The following WRN variants were observed in gnomAD, a reference collection of about 807,000 sequenced individuals.
WRN encodes WRN RecQ like helicase.
A neutral mutation model predicts 180.7 loss-of-function variants in WRN; 149 were observed. The observed-to-expected ratio is 0.82, with a 90% CI of 0.72 to 0.94. WRN has a LOEUF of 0.94. WRN is among the 40% of genes least tolerant of loss of function. WRN has a pLI of 0.00. For synonymous variants in WRN, 548 were observed against 568.9 expected, an observed-to-expected ratio of 0.96 and a Z score of 0.52; for missense variants, 1,661 against 1,700.1, an observed-to-expected ratio of 0.98 and a Z score of 0.40.
chr8:31,163,061 A>G (rs970298453), intron 33 of WRN, among the ~76,000 whole-genome samples: 3 of 152,264 alleles, frequency 2.0e-5, no homozygotes, highest in Non-Finnish European at 2.9e-5. Flanking sequence ...GAGGCATACA[A>G]TTTAAGAATT....
At chr8:31,112,880 G>A (rs1245514879) in intron 19 of WRN, among the ~76,000 whole-genome samples, 3 of 152,106 alleles carry the variant, frequency 2.0e-5, no homozygotes, top group South Asian at 2.1e-4. Context: ...TGGCCACTGC[G>A]CCTGGCCAGT....
intron 24 of WRN, among the ~76,000 whole-genome samples, chr8:31,139,293 A>C (rs567925485): frequency 1.8e-4 from 28 of 152,332 alleles, no homozygotes; most frequent in African/African-American, 6.0e-4. Flanking sequence ...AACCTTCATT[A>C]GGATATATAT....
chr8:31,049,210 C>CAAAAAAAAAA (rs72226104), intron 1 of WRN, among the ~76,000 whole-genome samples: 2 of 31,802 alleles, frequency 6.3e-5, no homozygotes, highest in Non-Finnish European at 1.0e-4. Flanking sequence ...GACTCTGTCT[C>CAAAAAAAAAA]AAAAAAAAAA....
intron 7 of WRN, among the ~76,000 whole-genome samples, chr8:31,070,941 G>A (rs13250713): frequency 0.081 from 12,325 of 151,950 alleles, 788 homozygotes; most frequent in East Asian, 0.28. Context: ...AGCTTCTTGG[G>A]AGGCTGAGGC....
At chr8:31,139,588 C>G (rs1563375010) in intron 24 of WRN, among the ~76,000 whole-genome samples, 1 of 152,174 alleles carries the variant, frequency 6.6e-6, no homozygotes, top group East Asian at 1.9e-4. Context: ...CTGTAATAAT[C>G]AGGAAGCTTC....
At chr8:31,128,716 G>A (rs148066526) in intron 23 of WRN, among the ~76,000 whole-genome samples, 5,574 of 152,128 alleles carry the variant, frequency 0.037, 148 homozygotes, top group Non-Finnish European at 0.057. Context: ...AAAATTAGCC[G>A]GATGTGGTGG....
In WRN at chr8:31,174,312, G is replaced by A. The variant is rs374070694; in HGVS notation, c.*1210G>A. ...TCCTGTGTGATGGAGTGGCAAGTAC[G>A]CACAGACACGTCTGCTGCATGCCTA... On this transcript the variant is annotated 3_prime_UTR_variant, in exon 35 of 35. Transcript: ENST00000298139. Among the ~76,000 whole-genome samples, 55 of 152,296 alleles carry A rather than the reference G, an allele frequency of 3.6e-4. No individual in the cohort carries two copies. In the South Asian group the frequency reaches 0.011, roughly 29 times the overall value.
intron 7 of WRN, among the ~76,000 whole-genome samples, chr8:31,075,454 G>A (rs1258554624): frequency 6.6e-6 from 1 of 152,048 alleles, no homozygotes; most frequent in African/African-American, 2.4e-5. Flanking sequence ...GCTCATGCCT[G>A]TAATCCCAGC....
chr8:31,071,929 A>T (rs145776480), intron 7 of WRN, among the ~76,000 whole-genome samples: 3 of 152,230 alleles, frequency 2.0e-5, no homozygotes, highest in African/African-American at 7.2e-5. Flanking sequence ...GATGAAAAGC[A>T]TTGAGGAAGA....
intron 30 of WRN, among the ~76,000 whole-genome samples, chr8:31,148,106 T>C (rs1057113876): frequency 1.3e-5 from 2 of 152,094 alleles, no homozygotes; most frequent in African/African-American, 4.8e-5. Context: ...AGGCTGGTCT[T>C]GAACTCCTAA....
intron 9 of WRN, among the ~76,000 whole-genome samples, chr8:31,083,039 C>A (rs1427183586): frequency 6.6e-6 from 1 of 151,956 alleles, no homozygotes; most frequent in Admixed American, 6.6e-5. Context: ...CTTTTTCCTA[C>A]TTCCTGTTTA....
At chr8:31,117,102 G>A (rs575876957) in intron 20 of WRN, among the ~76,000 whole-genome samples, 1 of 152,070 alleles carries the variant, frequency 6.6e-6, no homozygotes, top group Admixed American at 6.6e-5. Context: ...GTCTGGGCTT[G>A]GTATCATATA....
chr8:31,091,196 T>C lies in WRN; in HGVS notation c.1829+254T>C, dbSNP rs111241363. Among the ~76,000 whole-genome samples, 1,011 of 152,256 alleles carry C rather than the reference T, an allele frequency of 6.6e-3. 16 individuals are homozygous for C. The highest frequency in any genetic ancestry group is 0.022 in the African/African-American group (928 of 41,578). Reference sequence around the variant, plus strand: ...CATTATTACTTTATGCTGGTTTACATTGAATATCTCAAAATTCTTTTCTCT... The same window carrying C: ...CATTATTACTTTATGCTGGTTTACACTGAATATCTCAAAATTCTTTTCTCT... On this transcript the variant is annotated intron_variant, in intron 15 of 34. Transcript: ENST00000298139.
chr8:31,153,957 T>C (rs1803257520), intron 31 of WRN, among the ~76,000 whole-genome samples: 1 of 152,270 alleles, frequency 6.6e-6, no homozygotes, highest in African/African-American at 2.4e-5. Context: ...TTACAGGTTT[T>C]ATTATGACTG....
Position 31,064,438 on chromosome 8 carries a change from G to C in WRN, c.355+4G>C, listed in dbSNP as rs145764920. The stretch of plus-strand genomic sequence containing the variant: ...TTCCACGTTTCTTCCATGTCAGGTT[G>C]GTATCTCTACATTTCATTTTTATAT... On this transcript the variant is annotated splice_donor_region_variant and intron_variant, in intron 4 of 34. Transcript: ENST00000298139. 3,567 of 1,613,832 alleles carry C rather than the reference G, an allele frequency of 2.2e-3. 2 individuals carry two copies. The highest frequency in any genetic ancestry group is 2.8e-3 in the Non-Finnish European group (3,252 of 1,179,930).
chr8:31,059,417 CAAATA>C, intron 3 of WRN, 152 bp downstream of exon 3: 1 of 651,652 alleles, frequency 1.5e-6, no homozygotes, highest in Non-Finnish European at 2.7e-6. Context: ...TTTTACATTT[CAAATA>C]AAAGTCACTG....
Position 31,132,438 on chromosome 8 carries a change from T to C in WRN, c.2899T>C (p.Leu967=). 1 of 1,614,190 alleles carries C rather than the reference T, an allele frequency of 6.2e-7. No homozygotes were observed. Among genetic ancestry groups the C allele is most frequent in the South Asian group, 1.1e-5 (1 of 91,078 alleles). Residue 967 remains leucine (L), a synonymous_variant, in exon 24 of 35, where the codon TTG becomes CTG. Transcript: ENST00000298139. ...WDFGPQAFKL[L]SAVDILGEKF... Reference sequence around the variant, plus strand: ...CTTTGGTCCACAAGCATTTAAGCTTTTGTCTGCTGTGGACATCTTAGGCGA... The same window carrying C: ...CTTTGGTCCACAAGCATTTAAGCTTCTGTCTGCTGTGGACATCTTAGGCGA...
In WRN at chr8:31,175,142, A is replaced by G. The variant is rs573469035; in HGVS notation, c.*2040A>G. Among the ~76,000 whole-genome samples, 134 of 152,246 alleles carry G rather than the reference A, an allele frequency of 8.8e-4. No individual in the cohort carries two copies. The highest frequency in any genetic ancestry group is 3.1e-3 in the African/African-American group (129 of 41,540). Reference sequence around the variant, plus strand: ...TGGATGACTAATATGTGATGTTAAGAAATCATGACTGAGGCCGGGCGCGGT... The same window carrying G: ...TGGATGACTAATATGTGATGTTAAGGAATCATGACTGAGGCCGGGCGCGGT... On this transcript the variant is annotated 3_prime_UTR_variant, in exon 35 of 35. Coordinates refer to ENST00000298139, the MANE Select transcript of WRN (RefSeq NM_000553.6).
chr8:31,090,851 T>C lies in WRN; in HGVS notation c.1738T>C (p.Cys580Arg). ...ATTTCAAGGATATGGAAAGAGTTTGTGCTTCCAGTATCCACCTGTTTATGT... is the reference window on the plus strand; with the variant it reads ...ATTTCAAGGATATGGAAAGAGTTTGCGCTTCCAGTATCCACCTGTTTATGT... ...VMATGYGKSL[C>R]FQYPPVYVGK... Residue 580 changes from cysteine to arginine, a missense_variant, in exon 15 of 35, where the codon TGC becomes CGC. Transcript: ENST00000298139. 6.2e-7 allele frequency: 1 copy of C among 1,610,808 alleles called. No individual in the cohort carries two copies. Among genetic ancestry groups the C allele is most frequent in the Non-Finnish European group, 8.5e-7 (1 of 1,178,172 alleles).
Sources: allele counts gnomAD v4.1 joint callset (sites outside exome capture counted in the v4.1 genomes callset), GRCh38; gene constraint gnomAD v4.1.1; transcripts MANE v1.5; gene names NCBI Gene and HGNC (gene_info 2026-07-23, HGNC 2026-07-21).